The following SLC24A4 variants were observed in gnomAD, a reference collection of about 807,000 sequenced individuals.
The protein encoded by SLC24A4 is sodium/potassium/calcium exchanger 4.
In SLC24A4, 53 loss-of-function variants were observed where a neutral mutation model predicts 79.0. The observed-to-expected ratio is 0.67, with a 90% CI of 0.54 to 0.84. The LOEUF is 0.84. Among genes scored for constraint, SLC24A4 ranks in the 40% least tolerant of loss-of-function variants. The pLI is 0.00. For missense variants in SLC24A4, 731 were observed against 822.0 expected, an observed-to-expected ratio of 0.89 and a Z score of 1.35; for synonymous variants, 323 against 323.8, an observed-to-expected ratio of 1.00 and a Z score of 0.03.
At chr14:92,370,301 A>G (rs576240681) in intron 2 of SLC24A4, among the ~76,000 whole-genome samples, 2 of 152,304 alleles carry the variant, frequency 1.3e-5, no homozygotes, top group South Asian at 2.1e-4. Flanking sequence ...CCTGCCACAC[A>G]TGAACTGTGT....
intron 16 of SLC24A4, chr14:92,493,009 CACACACACAG>C (rs1228096940): frequency 0.01 from 2,768 of 271,074 alleles, 84 homozygotes; most frequent in East Asian, 0.087. Context: ...CACACACACA[CACACACACAG>C]AGAAAGATTT....
At chr14:92,455,664 A>G (rs7155671) in intron 11 of SLC24A4, among the ~76,000 whole-genome samples, 1,887 of 152,286 alleles carry the variant, frequency 0.012, 32 homozygotes, top group African/African-American at 0.042. Flanking sequence ...AGGGGCTGGA[A>G]ATGTTATACA....
At chr14:92,436,212 A>G (rs112932124) in intron 3 of SLC24A4, among the ~76,000 whole-genome samples, 3,468 of 152,282 alleles carry the variant, frequency 0.023, 116 homozygotes, top group African/African-American at 0.072. Context: ...AAGAGCAGGG[A>G]AAACTGCCTT....
intron 12 of SLC24A4, among the ~76,000 whole-genome samples, chr14:92,459,839 C>T (rs982445764): frequency 3.9e-5 from 6 of 152,154 alleles, no homozygotes; most frequent in Non-Finnish European, 8.8e-5. Context: ...ACTCCGCCCC[C>T]GACAGAAATA....
chr14:92,324,668 C>A (rs886144906), intron 1 of SLC24A4, among the ~76,000 whole-genome samples: 2 of 152,196 alleles, frequency 1.3e-5, no homozygotes, highest in African/African-American at 4.8e-5. Flanking sequence ...CCATGTGTAA[C>A]CTTCAGGAGG....
intron 2 of SLC24A4, among the ~76,000 whole-genome samples, chr14:92,395,971 G>A (rs556073124): frequency 5.3e-5 from 8 of 152,094 alleles, no homozygotes; most frequent in African/African-American, 1.7e-4. Context: ...GATTATAGAC[G>A]GGTGCCACCA....
intron 12 of SLC24A4, among the ~76,000 whole-genome samples, chr14:92,464,966 C>T (rs1437321308): frequency 1.3e-5 from 2 of 152,292 alleles, no homozygotes; most frequent in Non-Finnish European, 2.9e-5. Flanking sequence ...CAGCAGGCAC[C>T]TGCTCTGGCC....
Position 92,493,859 on chromosome 14 carries a change from T to C in SLC24A4, c.*231T>C. 1.8e-6 allele frequency: 1 copy of C among 561,814 alleles called. No homozygotes were observed. The highest frequency in any genetic ancestry group is 2.2e-5 in the South Asian group (1 of 45,406). The allele number at this position is 561,814 out of a possible 1,614,324, so 34.8% of individuals were successfully genotyped here. A position where few individuals can be genotyped will look rare whatever the true frequency, so the allele number is the denominator to read the frequency against. ...GCAAGGCTGGATTTGGGGGCCATTA[T>C]CTGAGCAGCTTCAAAGACCCCTGAG... On this transcript the variant is annotated 3_prime_UTR_variant, in exon 17 of 17. Coordinates refer to ENST00000532405, the MANE Select transcript of SLC24A4 (RefSeq NM_153646.4).
intron 2 of SLC24A4, among the ~76,000 whole-genome samples, chr14:92,346,464 C>T (rs568757594): frequency 6.6e-6 from 1 of 152,064 alleles, no homozygotes; most frequent in East Asian, 1.9e-4. Flanking sequence ...AGAGAGTGAC[C>T]TGAGGTCAAG....
Position 92,456,491 on chromosome 14 carries a change from C to T in SLC24A4, c.1138C>T (p.Pro380Ser). ...RHENIENGNV[P>S]VENPEDPQQN... ...CGAGAACATTGAGAACGGGAATGTTCCTGTGGAAAACCCCGAAGACCCTCA... is the reference window on the plus strand; with the variant it reads ...CGAGAACATTGAGAACGGGAATGTTTCTGTGGAAAACCCCGAAGACCCTCA... The change falls in exon 12 of 17, where the codon CCT (proline) becomes TCT (serine). Residue 380 changes from proline to serine, a missense_variant. Pro to Ser is a moderately conservative substitution (Grantham distance 74). Transcript: ENST00000532405. The T allele has an allele frequency of 6.2e-7, 1 of 1,614,184 alleles. No homozygotes were observed. The highest frequency in any genetic ancestry group is 8.5e-7 in the Non-Finnish European group (1 of 1,180,036).
At position 92,449,066 on chromosome 14, in the gene SLC24A4, G is replaced by A. The variant is rs747684746; in HGVS notation, c.738-8G>A. ...TTGCCCTGACCTCCTGCCTCCCCTC[G>A]CTTCCAGGTACAATGTGAAGATGCA... On this transcript the variant is annotated splice_polypyrimidine_tract_variant and splice_region_variant and intron_variant, in intron 9 of 16. Coordinates refer to ENST00000532405, the MANE Select transcript of SLC24A4 (RefSeq NM_153646.4). 1.1e-5 allele frequency: 18 copies of A among 1,613,952 alleles called. No homozygotes were observed. Among genetic ancestry groups the A allele is most frequent in the Non-Finnish European group, 1.4e-5 (16 of 1,179,936 alleles).
chr14:92,349,499 A>C (rs1027504687), intron 2 of SLC24A4, among the ~76,000 whole-genome samples: 7 of 152,202 alleles, frequency 4.6e-5, no homozygotes, highest in Admixed American at 2.6e-4. Context: ...TTCCGTTTTT[A>C]GACTACAGTT....
At chr14:92,364,356 G>A (rs1887703590) in intron 2 of SLC24A4, among the ~76,000 whole-genome samples, 1 of 152,142 alleles carries the variant, frequency 6.6e-6, no homozygotes, top group Non-Finnish European at 1.5e-5. Flanking sequence ...GAGCAGGGTG[G>A]GAAAGACAGG....
intron 2 of SLC24A4, among the ~76,000 whole-genome samples, chr14:92,421,022 C>T (rs1205947454): frequency 1.3e-5 from 2 of 152,124 alleles, no homozygotes; most frequent in Non-Finnish European, 2.9e-5. Flanking sequence ...GATGAGCTCA[C>T]CTTCAAGCAG....
chr14:92,377,886 G>A (rs902995834), intron 2 of SLC24A4, among the ~76,000 whole-genome samples: 2 of 152,032 alleles, frequency 1.3e-5, no homozygotes, highest in African/African-American at 4.8e-5. Flanking sequence ...GAGGAAGAAG[G>A]GCTGGGGCTG....
chr14:92,413,403 C>T (rs1385135730), intron 2 of SLC24A4, among the ~76,000 whole-genome samples: 1 of 152,148 alleles, frequency 6.6e-6, no homozygotes, highest in Non-Finnish European at 1.5e-5. Context: ...TGGATGTCTC[C>T]CAGGAAATCC....
chr14:92,384,414 A>G (rs1343948333), intron 2 of SLC24A4, among the ~76,000 whole-genome samples: 1 of 151,932 alleles, frequency 6.6e-6, no homozygotes, highest in African/African-American at 2.4e-5. Flanking sequence ...GCAGGGGTTT[A>G]AGATCAATTC....
At chr14:92,397,437 A>G (rs2141753669) in intron 2 of SLC24A4, among the ~76,000 whole-genome samples, 1 of 152,350 alleles carries the variant, frequency 6.6e-6, no homozygotes, top group East Asian at 1.9e-4. Flanking sequence ...TGATGAGCCA[A>G]GTGCAGCTTT....
chr14:92,483,128 C>A (rs539604533), intron 13 of SLC24A4, among the ~76,000 whole-genome samples: 1 of 152,206 alleles, frequency 6.6e-6, no homozygotes, highest in African/African-American at 2.4e-5. Context: ...GTGTTACAGG[C>A]AGAGCAATAT....
Sources: gnomAD v4.1 joint callset for allele counts (sites outside exome capture counted in the v4.1 genomes callset) on GRCh38, gnomAD v4.1.1 for gene constraint, MANE v1.5 for transcripts, NCBI Gene and HGNC (gene_info 2026-07-23, HGNC 2026-07-21) for gene names.